The following TMEM163 variants were observed in gnomAD, a reference collection of about 807,000 sequenced individuals.
TMEM163 encodes transmembrane protein 163.
TMEM163 carries 17 observed loss-of-function variants against 29.3 expected under a neutral mutation model. That is an observed-to-expected ratio of 0.58 (90% confidence interval 0.40 to 0.87). The LOEUF (loss-of-function observed/expected upper bound fraction) is 0.87. TMEM163 is among the 40% of genes least tolerant of loss of function. TMEM163 has a pLI of 0.00. For synonymous variants in TMEM163, 157 were observed against 160.6 expected, an observed-to-expected ratio of 0.98 and a Z score of 0.17; for missense variants, 303 against 381.5, an observed-to-expected ratio of 0.79 and a Z score of 1.71.
At chr2:134,598,549 T>C (rs1409484012) in intron 2 of TMEM163, among the ~76,000 whole-genome samples, 1 of 152,224 alleles carries the variant, frequency 6.6e-6, no homozygotes, top group Non-Finnish European at 1.5e-5. Context: ...GCCTGCTCCG[T>C]GGCTCGTGCT....
intron 2 of TMEM163, among the ~76,000 whole-genome samples, chr2:134,615,858 T>C (rs182707270): frequency 6.6e-6 from 1 of 152,238 alleles, no homozygotes; most frequent in Non-Finnish European, 1.5e-5. Context: ...GGTTTCACCA[T>C]GTTGGCCAGA....
At chr2:134,688,893 G>A (rs2104881431) in intron 2 of TMEM163, among the ~76,000 whole-genome samples, 1 of 152,180 alleles carries the variant, frequency 6.6e-6, no homozygotes, top group Admixed American at 6.5e-5. Flanking sequence ...GTGGCTAAGT[G>A]GCTAGTCCAA....
At chr2:134,658,709 T>C (rs1007004610) in intron 2 of TMEM163, among the ~76,000 whole-genome samples, 3 of 152,132 alleles carry the variant, frequency 2.0e-5, no homozygotes, top group Non-Finnish European at 4.4e-5. Context: ...GCCATTCTTC[T>C]GCCTCAGCCT....
At chr2:134,712,196 T>C (rs542430322) in intron 2 of TMEM163, among the ~76,000 whole-genome samples, 2 of 152,346 alleles carry the variant, frequency 1.3e-5, no homozygotes, top group South Asian at 4.1e-4. Context: ...CTTCAAGTAA[T>C]ATATGCCTAG....
chr2:134,463,639 C>T (rs570721119), intron 6 of TMEM163, among the ~76,000 whole-genome samples: 8 of 152,276 alleles, frequency 5.3e-5, no homozygotes, highest in East Asian at 1.9e-4. Context: ...TCTTTAGATC[C>T]GGCTGTGCTA....
At chr2:134,630,583 A>T (rs1558970585) in intron 2 of TMEM163, among the ~76,000 whole-genome samples, 1 of 152,180 alleles carries the variant, frequency 6.6e-6, no homozygotes, top group African/African-American at 2.4e-5. Flanking sequence ...TGACACAGGC[A>T]CATCCCCTGC....
chr2:134,507,964 T>TC (rs923623911), intron 4 of TMEM163, among the ~76,000 whole-genome samples: 1 of 145,928 alleles, frequency 6.9e-6, no homozygotes, highest in Non-Finnish European at 1.5e-5. Flanking sequence ...AGTTAAAGCC[T>TC]CCTTTTTTTT....
At chr2:134,660,950 A>G (rs765349552) in intron 2 of TMEM163, among the ~76,000 whole-genome samples, 2 of 152,188 alleles carry the variant, frequency 1.3e-5, no homozygotes, top group Admixed American at 6.5e-5. Context: ...TTGATCTCCA[A>G]TGAGAGGGTG....
chr2:134,585,598 C>T (rs1006262192), intron 2 of TMEM163, among the ~76,000 whole-genome samples: 21 of 152,034 alleles, frequency 1.4e-4, no homozygotes, highest in East Asian at 1.2e-3. Flanking sequence ...AAAAATTAGC[C>T]GGGCGCGGTG....
intron 4 of TMEM163, among the ~76,000 whole-genome samples, chr2:134,507,211 C>T (rs574588303): frequency 5.7e-4 from 87 of 152,178 alleles, no homozygotes; most frequent in Admixed American, 1.0e-3. Context: ...TGGTGTATGC[C>T]TGTAATCCCA....
rs142616024 is a variant in TMEM163 at position 134,489,170 on chromosome 2, G to A, written c.555+13731C>T. Among the ~76,000 whole-genome samples, 59 of 152,242 alleles carry A rather than the reference G, an allele frequency of 3.9e-4. 1 individual carries two copies. The East Asian group carries it at 0.011, about 29-fold the overall frequency. On this transcript the variant is annotated intron_variant, in intron 5 of 7. Coordinates refer to ENST00000281924, the MANE Select transcript of TMEM163 (RefSeq NM_030923.5). ...ACAACACTGTAATAATAAAAAACTG[G>A]AAACTACCCAAATGTCCATCAACCA...
intron 2 of TMEM163, among the ~76,000 whole-genome samples, chr2:134,709,233 T>C (rs1338581651): frequency 6.6e-6 from 1 of 152,184 alleles, no homozygotes; most frequent in African/African-American, 2.4e-5. Context: ...TGCCTACCGA[T>C]TATAAACAGA....
At chr2:134,464,009 G>C (rs1431146239) in intron 6 of TMEM163, among the ~76,000 whole-genome samples, 1 of 152,330 alleles carries the variant, frequency 6.6e-6, no homozygotes, top group East Asian at 1.9e-4. Context: ...GCACAGGAAA[G>C]AGGCAGTCTT....
intron 2 of TMEM163, among the ~76,000 whole-genome samples, chr2:134,647,322 T>C (rs1453985699): frequency 1.3e-5 from 2 of 152,146 alleles, no homozygotes; most frequent in Non-Finnish European, 2.9e-5. Flanking sequence ...AGAAATAGTC[T>C]CAGCCTTTTT....
chr2:134,583,637 T>G (rs749531719), intron 2 of TMEM163, among the ~76,000 whole-genome samples: 41 of 152,210 alleles, frequency 2.7e-4, no homozygotes, highest in Non-Finnish European at 4.7e-4. Flanking sequence ...ACCACATCCA[T>G]GCAGCTACTG....
At chr2:134,649,839 A>G (rs6739706) in intron 2 of TMEM163, among the ~76,000 whole-genome samples, 1 of 151,108 alleles carries the variant, frequency 6.6e-6, no homozygotes, top group Non-Finnish European at 1.5e-5. Context: ...TGTAGTGAAC[A>G]CTTGCCTCTA....
chr2:134,715,401 C>G (rs1353756376), intron 1 of TMEM163, among the ~76,000 whole-genome samples: 1 of 152,150 alleles, frequency 6.6e-6, no homozygotes, highest in East Asian at 1.9e-4. Context: ...GCATTACGAC[C>G]AGTACTTCTT....
chr2:134,521,420 A>G (rs1680187016), intron 4 of TMEM163, among the ~76,000 whole-genome samples: 1 of 152,120 alleles, frequency 6.6e-6, no homozygotes, highest in Non-Finnish European at 1.5e-5. Context: ...CATTGTCATA[A>G]TTTGGGCAAG....
At chr2:134,485,335 C>A (rs1204584764) in intron 5 of TMEM163, among the ~76,000 whole-genome samples, 8 of 152,232 alleles carry the variant, frequency 5.3e-5, no homozygotes, top group Admixed American at 5.2e-4. Flanking sequence ...AGAATGGTTA[C>A]ATGGGTCCTT....
Sources: allele counts gnomAD v4.1 joint callset (sites outside exome capture counted in the v4.1 genomes callset), GRCh38; gene constraint gnomAD v4.1.1; transcripts MANE v1.5; gene names NCBI Gene and HGNC (gene_info 2026-07-23, HGNC 2026-07-21).